Variants in NBAS observed in about 807,000 individuals in gnomAD.
NBAS encodes the protein NBAS subunit of NRZ tethering complex.
NBAS carries 219 observed loss-of-function variants against 302.5 expected under a neutral mutation model. The observed-to-expected ratio is 0.72, with a 90% CI of 0.65 to 0.81. The LOEUF (loss-of-function observed/expected upper bound fraction) is 0.81. Ranked by LOEUF, NBAS falls within the 30% of genes least tolerant of loss-of-function variation. The pLI, the probability that NBAS is intolerant of heterozygous loss-of-function variation, is 0.00. For missense variants in NBAS, 2,932 were observed against 2,841.6 expected (o/e 1.03, Z -0.72); for synonymous variants, 1,118 against 1,021.6 (o/e 1.09, Z -1.80).
the NBAS span, among the ~76,000 whole-genome samples, chr2:15,046,190 G>C: frequency 6.6e-6 from 1 of 152,168 alleles, no homozygotes; most frequent in African/African-American, 2.4e-5. Flanking sequence ...CATTGCAAAG[G>C]TGGCAGTAAT....
At chr2:15,219,560 A>T (rs1666831460) in intron 47 of NBAS, among the ~76,000 whole-genome samples, 1 of 136,686 alleles carries the variant, frequency 7.3e-6, no homozygotes, top group African/African-American at 2.8e-5. Context: ...CATCTGTTTA[A>T]CAAAGCACAT....
the NBAS span, among the ~76,000 whole-genome samples, chr2:14,851,169 T>G: frequency 7.6e-6 from 1 of 131,204 alleles, no homozygotes. Context: ...TCAACAAAAT[T>G]GATAGACTGC....
intron 44 of NBAS, among the ~76,000 whole-genome samples, chr2:15,241,820 T>C (rs1041750847): frequency 5.3e-5 from 8 of 152,162 alleles, no homozygotes; most frequent in African/African-American, 1.9e-4. Flanking sequence ...GCTCCCCAAA[T>C]TTCTCAGCAC....
chr2:15,349,903 T>A (rs368666422), intron 35 of NBAS, among the ~76,000 whole-genome samples: 1 of 152,174 alleles, frequency 6.6e-6, no homozygotes, highest in African/African-American at 2.4e-5. Context: ...TGATGAACAG[T>A]GCAGGTATGA....
At chr2:14,804,180 C>T in the NBAS span, among the ~76,000 whole-genome samples, 6 of 152,050 alleles carry the variant, frequency 3.9e-5, no homozygotes, top group Non-Finnish European at 5.9e-5. Context: ...GCACATGTGC[C>T]CCATGGAGGA....
the NBAS span, among the ~76,000 whole-genome samples, chr2:15,035,122 T>G: frequency 5.9e-5 from 9 of 152,058 alleles, no homozygotes; most frequent in Non-Finnish European, 8.8e-5. Flanking sequence ...TGGGGTTTTT[T>G]TTTTTTTTTC....
At chr2:14,895,738 T>TAAAAAAAAAAA in the NBAS span, among the ~76,000 whole-genome samples, 1 of 124,996 alleles carries the variant, frequency 8.0e-6, no homozygotes, top group Non-Finnish European at 1.7e-5. Context: ...AGACTCCGTC[T>TAAAAAAAAAAA]CAAAAAAAAA....
At chr2:15,204,467 G>A (rs1666043915) in intron 48 of NBAS, among the ~76,000 whole-genome samples, 1 of 152,064 alleles carries the variant, frequency 6.6e-6, no homozygotes, top group African/African-American at 2.4e-5. Flanking sequence ...ATAAGAAAAG[G>A]GAGAAGGCTA....
At chr2:14,925,577 C>T in the NBAS span, among the ~76,000 whole-genome samples, 1 of 152,300 alleles carries the variant, frequency 6.6e-6, no homozygotes, top group East Asian at 1.9e-4. Flanking sequence ...CATTTTGGCT[C>T]ATGCATCCCA....
the NBAS span, among the ~76,000 whole-genome samples, chr2:15,118,939 T>C: frequency 6.6e-6 from 1 of 152,188 alleles, no homozygotes; most frequent in Non-Finnish European, 1.5e-5. Context: ...TAACGCAGTG[T>C]GAGTTAAACA....
the NBAS span, among the ~76,000 whole-genome samples, chr2:14,872,714 T>A: frequency 1.3e-5 from 2 of 151,892 alleles, no homozygotes; most frequent in African/African-American, 4.8e-5. Flanking sequence ...GCTTCAGGAG[T>A]GAAGCTGCAG....
rs116474110 is a variant in NBAS, at chr2:15,191,885, G to A, written c.6433-1482C>T. 2.7e-3 allele frequency among the ~76,000 whole-genome samples: 411 copies of A among 152,134 alleles called. 4 individuals carry two copies. The highest frequency in any genetic ancestry group is 9.5e-3 in the African/African-American group (393 of 41,492). Reference sequence around the variant, plus strand: ...ACCTTCAACCTGTCTCCAGCCTCAGGGTCCCTTTGAGGTCCCTTGCATACG... The same window carrying A: ...ACCTTCAACCTGTCTCCAGCCTCAGAGTCCCTTTGAGGTCCCTTGCATACG... On this transcript the variant is annotated intron_variant, in intron 48 of 51. Coordinates refer to ENST00000281513, the MANE Select transcript of NBAS (RefSeq NM_015909.4).
chr2:14,886,258 C>A, the NBAS span, among the ~76,000 whole-genome samples: 1 of 152,184 alleles, frequency 6.6e-6, no homozygotes, highest in East Asian at 1.9e-4. Flanking sequence ...TACTCCATAC[C>A]CATACCATAA....
chr2:15,001,830 C>T, the NBAS span, among the ~76,000 whole-genome samples: 2 of 152,114 alleles, frequency 1.3e-5, no homozygotes, highest in Admixed American at 6.5e-5. Context: ...GTGAGTGTTA[C>T]AGCTCATAAA....
chr2:15,176,367 G>C (rs992745866), intron 51 of NBAS, among the ~76,000 whole-genome samples: 2 of 152,104 alleles, frequency 1.3e-5, no homozygotes, highest in Middle Eastern at 3.2e-3. Context: ...GGTGGCTGTG[G>C]CTATAAAGGA....
At chr2:15,241,219 C>T (rs1478705238) in intron 44 of NBAS, among the ~76,000 whole-genome samples, 1 of 152,020 alleles carries the variant, frequency 6.6e-6, no homozygotes, top group Admixed American at 6.6e-5. Context: ...ATTTGTTTCC[C>T]CAAGAAATAT....
At chr2:15,169,466 G>C (rs1482635029) in intron 51 of NBAS, among the ~76,000 whole-genome samples, 1 of 152,094 alleles carries the variant, frequency 6.6e-6, no homozygotes, top group Non-Finnish European at 1.5e-5. Flanking sequence ...CAACCCCACA[G>C]AGCTCCTGCC....
chr2:15,445,158 T>C (rs1171902346), intron 21 of NBAS, among the ~76,000 whole-genome samples: 2 of 151,516 alleles, frequency 1.3e-5, no homozygotes, highest in Non-Finnish European at 2.9e-5. Context: ...TTACTGGGTA[T>C]ATACCCAAAG....
the NBAS span, among the ~76,000 whole-genome samples, chr2:15,023,484 A>G: frequency 4.6e-5 from 7 of 152,078 alleles, no homozygotes; most frequent in East Asian, 1.4e-3. Context: ...TTTGGTTTTT[A>G]TTTTAATAGA....
Sources: allele counts gnomAD v4.1 joint callset (sites outside exome capture counted in the v4.1 genomes callset), GRCh38; gene constraint gnomAD v4.1.1; transcripts MANE v1.5; gene names NCBI Gene and HGNC (gene_info 2026-07-23, HGNC 2026-07-21).